GRID2: variants seen among roughly 807,000 people sequenced by gnomAD.
GRID2 encodes glutamate receptor ionotropic, delta-2.
GRID2 carries 33 observed loss-of-function variants against 114.8 expected under a neutral mutation model. That is an observed-to-expected ratio of 0.29 (90% CI 0.22 to 0.38). The LOEUF is 0.38. GRID2 is among the 10% of genes least tolerant of loss of function. The probability of loss-of-function intolerance (pLI) is 1.00; values close to 1 mark genes in which losing one functional copy is unlikely to be tolerated. For synonymous variants in GRID2, 505 were observed against 449.9 expected (o/e 1.12, Z -1.55); for missense variants, 1,184 against 1,257.7 (o/e 0.94, Z 0.89).
intron 11 of GRID2, among the ~76,000 whole-genome samples, chr4:93,484,750 CTGTT>C (rs1270691127): frequency 6.6e-6 from 1 of 151,906 alleles, no homozygotes; most frequent in Non-Finnish European, 1.5e-5. Context: ...AGGTTACAGT[CTGTT>C]TGTACATCCA....
chr4:92,468,833 A>C (rs565164685), intron 1 of GRID2, among the ~76,000 whole-genome samples: 1 of 152,276 alleles, frequency 6.6e-6, no homozygotes, highest in South Asian at 2.1e-4. Context: ...ACGAAGAAGA[A>C]GATTTCAGCT....
intron 1 of GRID2, among the ~76,000 whole-genome samples, chr4:92,447,673 C>T (rs1733542580): frequency 6.6e-6 from 1 of 152,196 alleles, no homozygotes; most frequent in Non-Finnish European, 1.5e-5. Context: ...AGTCCAAAAT[C>T]ACAGTGCTTG....
intron 14 of GRID2, among the ~76,000 whole-genome samples, chr4:93,750,966 G>C (rs1295135170): frequency 4.6e-5 from 7 of 152,142 alleles, no homozygotes; most frequent in Admixed American, 1.3e-4. Context: ...AGTTGGAAGA[G>C]TTGTAACATG....
intron 8 of GRID2, among the ~76,000 whole-genome samples, chr4:93,337,887 G>T (rs575456247): frequency 1.3e-5 from 2 of 152,168 alleles, no homozygotes; most frequent in South Asian, 4.2e-4. Flanking sequence ...TTTAAAAAGG[G>T]CTTGAAATAC....
At chr4:92,520,662 A>G (rs1372814567) in intron 1 of GRID2, among the ~76,000 whole-genome samples, 2 of 151,918 alleles carry the variant, frequency 1.3e-5, no homozygotes, top group African/African-American at 4.8e-5. Context: ...TCCATTGGGG[A>G]GTGCTATTCC....
At chr4:92,574,584 A>G (rs1331565807) in intron 1 of GRID2, among the ~76,000 whole-genome samples, 1 of 151,892 alleles carries the variant, frequency 6.6e-6, no homozygotes, top group East Asian at 1.9e-4. Flanking sequence ...TTATTTTTGA[A>G]GCTGAGTTTG....
intron 2 of GRID2, among the ~76,000 whole-genome samples, chr4:92,635,745 A>T (rs182547314): frequency 6.6e-6 from 1 of 152,104 alleles, no homozygotes; most frequent in Non-Finnish European, 1.5e-5. Flanking sequence ...ATTTTTAGTG[A>T]TTGAAAATGA....
chr4:92,712,932 C>G (rs1466283666), intron 2 of GRID2, among the ~76,000 whole-genome samples: 6 of 151,762 alleles, frequency 4.0e-5, no homozygotes, highest in Admixed American at 2.6e-4. Context: ...GTTGAAAGTT[C>G]AAACCCAGAG....
chr4:93,736,577 C>T (rs552606455), intron 14 of GRID2, among the ~76,000 whole-genome samples: 5 of 152,078 alleles, frequency 3.3e-5, no homozygotes, highest in East Asian at 1.9e-4. Flanking sequence ...TACCTATATT[C>T]GGCTCTTTTA....
At chr4:93,022,639 C>T (rs183551831) in intron 2 of GRID2, among the ~76,000 whole-genome samples, 4 of 152,028 alleles carry the variant, frequency 2.6e-5, no homozygotes, top group Admixed American at 1.3e-4. Context: ...CACAAAATTG[C>T]ATCTTAATTT....
At chr4:93,731,706 A>G (rs1730498224) in intron 14 of GRID2, among the ~76,000 whole-genome samples, 1 of 152,034 alleles carries the variant, frequency 6.6e-6, no homozygotes, top group South Asian at 2.1e-4. Context: ...TGGTATGCAG[A>G]CTCATTCCAG....
chr4:93,218,341 A>C (rs1449894920), intron 6 of GRID2, among the ~76,000 whole-genome samples: 1 of 151,984 alleles, frequency 6.6e-6, no homozygotes. Flanking sequence ...CTCTGAAAAA[A>C]ATAATAATAA....
chr4:93,560,851 A>G (rs1439825404), intron 13 of GRID2, among the ~76,000 whole-genome samples: 2 of 152,042 alleles, frequency 1.3e-5, no homozygotes, highest in South Asian at 2.1e-4. Flanking sequence ...TAGATATTTT[A>G]CCCACGGTTT....
At chr4:93,459,683 C>G (rs1302916121) in intron 11 of GRID2, among the ~76,000 whole-genome samples, 1 of 152,150 alleles carries the variant, frequency 6.6e-6, no homozygotes, top group Non-Finnish European at 1.5e-5. Context: ...ACTCCCAGAT[C>G]TACATCATCT....
At chr4:92,841,334 G>A (rs567677885) in intron 2 of GRID2, among the ~76,000 whole-genome samples, 2 of 152,032 alleles carry the variant, frequency 1.3e-5, no homozygotes, top group South Asian at 4.1e-4. Flanking sequence ...ACATTTTCCA[G>A]AAATAACAAG....
chr4:93,196,894 CAG>C (rs1350512930), intron 4 of GRID2, among the ~76,000 whole-genome samples: 36 of 152,194 alleles, frequency 2.4e-4, no homozygotes, highest in African/African-American at 7.7e-4. Flanking sequence ...GGTTAAACAT[CAG>C]GAATATACAT....
chr4:93,509,336 G>A (rs1261324209), intron 12 of GRID2, among the ~76,000 whole-genome samples: 1 of 152,110 alleles, frequency 6.6e-6, no homozygotes, highest in African/African-American at 2.4e-5. Flanking sequence ...ATGAGGTGGG[G>A]AAGTTAAAGA....
chr4:92,357,484 G>A (rs1317862655), intron 1 of GRID2, among the ~76,000 whole-genome samples: 2 of 151,738 alleles, frequency 1.3e-5, no homozygotes, highest in African/African-American at 2.4e-5. Flanking sequence ...CTTTCACTCT[G>A]TTGGTAAGGA....
Position 93,079,398 on chromosome 4 carries a change from C to CT in GRID2, c.245-5590dup, listed in dbSNP as rs1251880752. On this transcript the variant is annotated intron_variant, in intron 2 of 15. Coordinates refer to ENST00000282020, the MANE Select transcript of GRID2 (RefSeq NM_001510.4). Reference sequence around the variant, plus strand: ...ATTAGGGATTCTTCTTCTTTCTTTTCTTTTTTTCTTTTTTATATCTAGGAG... The same window carrying CT: ...ATTAGGGATTCTTCTTCTTTCTTTTCTTTTTTTTCTTTTTTATATCTAGGAG... Among the ~76,000 whole-genome samples, 4 of 151,408 alleles carry CT rather than the reference C, an allele frequency of 2.6e-5. No individual in the cohort carries two copies. The South Asian group carries it at 6.2e-4, about 24-fold the overall frequency.
Sources: allele counts gnomAD v4.1 joint callset (sites outside exome capture counted in the v4.1 genomes callset), GRCh38; gene constraint gnomAD v4.1.1; transcripts MANE v1.5; gene names NCBI Gene and HGNC (gene_info 2026-07-23, HGNC 2026-07-21).